Variants in C8orf34 observed in about 807,000 individuals in gnomAD.
C8orf34 encodes uncharacterized protein C8orf34.
A neutral mutation model predicts 68.3 loss-of-function variants in C8orf34; 65 were observed. The observed-to-expected ratio is 0.95, with a 90% CI of 0.78 to 1.17. The LOEUF (loss-of-function observed/expected upper bound fraction) is 1.17, where lower values mean the gene tolerates loss of function less well. Among genes scored for constraint, C8orf34 ranks in the 50% most tolerant of loss-of-function variants. The pLI, the probability that C8orf34 is intolerant of heterozygous loss-of-function variation, is 0.00. For synonymous variants in C8orf34, 244 were observed against 241.2 expected, an observed-to-expected ratio of 1.01 and a Z score of -0.11; for missense variants, 664 against 655.4, an observed-to-expected ratio of 1.01 and a Z score of -0.14.
At chr8:68,795,421 TATAAC>T (rs1400295480) in intron 12 of C8orf34, among the ~76,000 whole-genome samples, 2 of 152,002 alleles carry the variant, frequency 1.3e-5, no homozygotes, top group Non-Finnish European at 2.9e-5. Context: ...GGACATGTAA[TATAAC>T]ATAATGTGGA....
chr8:68,559,409 A>T (rs1265942516), intron 7 of C8orf34, among the ~76,000 whole-genome samples: 1 of 152,216 alleles, frequency 6.6e-6, no homozygotes, highest in Admixed American at 6.5e-5. Flanking sequence ...GTAAATGATA[A>T]GACGTATGAG....
At chr8:68,568,620 T>C (rs1437368849) in intron 7 of C8orf34, among the ~76,000 whole-genome samples, 3 of 152,134 alleles carry the variant, frequency 2.0e-5, no homozygotes, top group Non-Finnish European at 2.9e-5. Flanking sequence ...GCTATACTTA[T>C]AGATGACTAA....
At chr8:68,516,014 A>C (rs541165689) in intron 5 of C8orf34, among the ~76,000 whole-genome samples, 233 of 152,336 alleles carry the variant, frequency 1.5e-3, no homozygotes, top group African/African-American at 5.1e-3. Flanking sequence ...TCTATTCCAA[A>C]CATCTAATGT....
intron 5 of C8orf34, among the ~76,000 whole-genome samples, chr8:68,491,854 C>A (rs1157975241): frequency 6.6e-6 from 1 of 152,134 alleles, no homozygotes; most frequent in Non-Finnish European, 1.5e-5. Context: ...ATGGTAGTAC[C>A]TTTTATATCT....
intron 2 of C8orf34, among the ~76,000 whole-genome samples, chr8:68,440,514 A>G (rs1333072763): frequency 6.6e-6 from 1 of 152,176 alleles, no homozygotes; most frequent in Non-Finnish European, 1.5e-5. Flanking sequence ...GTAGACATCT[A>G]TGATGTCATT....
chr8:68,710,139 C>T (rs1325234703), intron 9 of C8orf34, among the ~76,000 whole-genome samples: 1 of 152,102 alleles, frequency 6.6e-6, no homozygotes, highest in Non-Finnish European at 1.5e-5. Flanking sequence ...GATTGCGGCT[C>T]CCACTCGGAC....
At chr8:68,425,086 A>G (rs966707463) in intron 1 of C8orf34, among the ~76,000 whole-genome samples, 6 of 152,190 alleles carry the variant, frequency 3.9e-5, no homozygotes, top group African/African-American at 1.2e-4. Flanking sequence ...CCCAATAGCC[A>G]TTAATGAGGA....
chr8:68,495,296 C>T (rs1478777109), intron 5 of C8orf34, among the ~76,000 whole-genome samples: 2 of 151,184 alleles, frequency 1.3e-5, no homozygotes, highest in Non-Finnish European at 2.9e-5. Flanking sequence ...TATATAATAA[C>T]AATGTACTAT....
At position 68,761,875 on chromosome 8, in the gene C8orf34, C is replaced by T. The variant is rs546126202; in HGVS notation, c.1405-14524C>T. 7.9e-5 allele frequency among the ~76,000 whole-genome samples: 12 copies of T among 152,080 alleles called. No individual in the cohort carries two copies. The East Asian group carries it at 2.1e-3, about 27-fold the overall frequency. ...CAGTGTGGCTGTGTTTTTATAATCC[C>T]GTGTCTATGTGATTTAAAAAAAAAT... is the stretch of plus-strand genomic sequence containing the variant. On this transcript the variant is annotated intron_variant, in intron 10 of 13. Transcript: ENST00000518698.
At chr8:68,767,900 C>T (rs67492924) in intron 10 of C8orf34, among the ~76,000 whole-genome samples, 43,734 of 151,954 alleles carry the variant, frequency 0.29, 6,778 homozygotes, top group African/African-American at 0.39. Context: ...GATATTCTAT[C>T]CTATCATTTA....
At position 68,818,507 on chromosome 8, in the gene C8orf34, T is replaced by C. The variant is rs1335362196; in HGVS notation, c.*261T>C. 5.3e-6 allele frequency: 2 copies of C among 376,580 alleles called. No individual in the cohort carries two copies. Among genetic ancestry groups the C allele is most frequent in the Non-Finnish European group, 9.5e-6 (2 of 209,610 alleles). The allele number at this position is 376,580 out of a possible 1,614,324, so 23.3% of individuals were successfully genotyped here. On this transcript the variant is annotated 3_prime_UTR_variant, in exon 14 of 14. Transcript: ENST00000518698. ...AGAGTCCTGGGTTTAGATTACTTTA[T>C]AAATAGTTATTAAGATTAATATTTG...
chr8:68,560,387 G>A (rs1271492887), intron 7 of C8orf34, among the ~76,000 whole-genome samples: 1 of 152,100 alleles, frequency 6.6e-6, no homozygotes, highest in African/African-American at 2.4e-5. Context: ...GTCTTGTGCT[G>A]TTTCGTAGTT....
chr8:68,771,673 T>C (rs989651781), intron 10 of C8orf34, among the ~76,000 whole-genome samples: 2 of 152,192 alleles, frequency 1.3e-5, no homozygotes, highest in Non-Finnish European at 2.9e-5. Flanking sequence ...ATTGTTTTTT[T>C]AATTTTTTTG....
intron 7 of C8orf34, among the ~76,000 whole-genome samples, chr8:68,639,681 A>G (rs186724086): frequency 4.1e-4 from 63 of 152,276 alleles, no homozygotes; most frequent in African/African-American, 1.4e-3. Context: ...AAAGTAGGAG[A>G]TCATATACAT....
At position 68,445,491 on chromosome 8, in the gene C8orf34, G is replaced by A. The variant is rs140967135; in HGVS notation, c.476-838G>A. On this transcript the variant is annotated intron_variant, in intron 2 of 13. Coordinates refer to ENST00000518698, the MANE Select transcript of C8orf34 (RefSeq NM_052958.4). ...GAAATTCTTGTAAAAGAAGTCAAGA[G>A]GGATGAACTCTTGAAACACCCTTTA... Among the ~76,000 whole-genome samples the A allele has an allele frequency of 2.2e-3, 328 of 152,272 alleles. 1 individual carries two copies. Among genetic ancestry groups the A allele is most frequent in the African/African-American group, 7.1e-3 (295 of 41,556 alleles).
chr8:68,688,468 T>C lies in C8orf34; in HGVS notation c.1242-20526T>C, dbSNP rs150958290. ...CCACTTGACCCAGCAATCCCATTAC[T>C]GGGTATATACCCAAAGGAATATAAA... On this transcript the variant is annotated intron_variant, in intron 8 of 13. Coordinates refer to ENST00000518698, the MANE Select transcript of C8orf34 (RefSeq NM_052958.4). Among the ~76,000 whole-genome samples, 654 of 152,258 alleles carry C rather than the reference T, an allele frequency of 4.3e-3. 7 individuals carry two copies. The highest frequency in any genetic ancestry group is 0.015 in the African/African-American group (618 of 41,570).
intron 12 of C8orf34, among the ~76,000 whole-genome samples, chr8:68,806,716 A>G (rs1313366371): frequency 6.6e-6 from 1 of 152,098 alleles, no homozygotes; most frequent in African/African-American, 2.4e-5. Flanking sequence ...TCGTTTTTAT[A>G]TGTTTGGTAG....
At chr8:68,474,420 A>G (rs1388258826) in intron 4 of C8orf34, among the ~76,000 whole-genome samples, 1 of 152,164 alleles carries the variant, frequency 6.6e-6, no homozygotes, top group African/African-American at 2.4e-5. Context: ...TTTTGAGTCT[A>G]GTTTATATCT....
At chr8:68,526,732 G>A (rs566466699) in intron 6 of C8orf34, among the ~76,000 whole-genome samples, 13 of 151,132 alleles carry the variant, frequency 8.6e-5, no homozygotes, top group African/African-American at 3.2e-4. Context: ...GACTGTGAGG[G>A]TGAACTCAAC....
Sources: gnomAD v4.1 joint callset for allele counts (sites outside exome capture counted in the v4.1 genomes callset) on GRCh38, gnomAD v4.1.1 for gene constraint, MANE v1.5 for transcripts, NCBI Gene and HGNC (gene_info 2026-07-23, HGNC 2026-07-21) for gene names.